The following KAT2B variants were observed in gnomAD, a reference collection of about 807,000 sequenced individuals.
The protein encoded by KAT2B is lysine acetyltransferase 2B.
A neutral mutation model predicts 105.9 loss-of-function variants in KAT2B; 36 were observed. The observed-to-expected ratio is 0.34, with a 90% CI of 0.26 to 0.45. KAT2B has a LOEUF of 0.45. Ranked by LOEUF, KAT2B falls within the 20% of genes least tolerant of loss-of-function variation. The pLI is 1.00. For missense variants in KAT2B, 820 were observed against 1,021.6 expected (o/e 0.80, Z 2.69); for synonymous variants, 397 against 377.9 (o/e 1.05, Z -0.59).
At chr3:20,102,315 T>A (rs551881121) in intron 5 of KAT2B, among the ~76,000 whole-genome samples, 27 of 151,710 alleles carry the variant, frequency 1.8e-4, no homozygotes, top group African/African-American at 3.6e-4. Context: ...AAAAAAAAAA[T>A]TTTTTTTAAA....
At position 20,126,050 on chromosome 3, in the gene KAT2B, A is replaced by G. The variant is rs1398678295; in HGVS notation, c.1559A>G (p.Asn520Ser). The change falls in exon 10 of 18, where the codon AAC becomes AGC. Residue 520 changes from asparagine (N) to serine (S), a missense_variant. Coordinates refer to ENST00000263754, the MANE Select transcript of KAT2B (RefSeq NM_003884.5). ...CTGATGTGGCTGGTTGGCCTACAGAACGTTTTCTCCCACCAGCTGCCCCGA... is the reference window on the plus strand; with the variant it reads ...CTGATGTGGCTGGTTGGCCTACAGAGCGTTTTCTCCCACCAGCTGCCCCGA... ...KILMWLVGLQ[N>S]VFSHQLPRMP... 6.2e-7 allele frequency: 1 copy of G among 1,614,034 alleles called. No homozygotes were observed. The highest frequency in any genetic ancestry group is 8.5e-7 in the Non-Finnish European group (1 of 1,179,958).
intron 1 of KAT2B, among the ~76,000 whole-genome samples, chr3:20,058,680 G>A (rs978830717): frequency 6.6e-6 from 1 of 152,024 alleles, no homozygotes; most frequent in Non-Finnish European, 1.5e-5. Context: ...TAGCATTATG[G>A]TATCTTCTGC....
intron 5 of KAT2B, among the ~76,000 whole-genome samples, chr3:20,106,897 T>A (rs976671708): frequency 1.4e-5 from 2 of 140,086 alleles, no homozygotes; most frequent in Non-Finnish European, 3.0e-5. Flanking sequence ...GATATATAAT[T>A]AAAAATTTTC....
intron 5 of KAT2B, 36 bp from the exon 6 acceptor site, chr3:20,111,560 T>A (rs904063338): frequency 6.5e-7 from 1 of 1,535,012 alleles, no homozygotes; most frequent in African/African-American, 1.4e-5. Context: ...TGGGGGTTTA[T>A]GGGATATTGA....
At chr3:20,100,093 G>A (rs1033693406) in intron 4 of KAT2B, 139 bp downstream of exon 4, 1 of 587,534 alleles carries the variant, frequency 1.7e-6, no homozygotes, top group Non-Finnish European at 3.1e-6. Context: ...AAATTGTCCT[G>A]GAGGCTTTGG....
intron 12 of KAT2B, 48 bp downstream of exon 12, chr3:20,137,100 A>G (rs747845933): frequency 4.3e-6 from 4 of 934,042 alleles, no homozygotes; most frequent in East Asian, 4.8e-5. Flanking sequence ...TTTTCTTAAT[A>G]TGTTCTCAGG....
rs533177720 is a variant in KAT2B, at chr3:20,133,163, A to T, written c.1750-3779A>T. On this transcript the variant is annotated intron_variant, in intron 11 of 17. Transcript: ENST00000263754. ...CAGCTTGGTACGCATCCTTCCAGGT[A>T]CTTTGGTATTGACACATATATTGGA... Among the ~76,000 whole-genome samples, 8 of 152,306 alleles carry T rather than the reference A, an allele frequency of 5.3e-5. No individual in the cohort carries two copies. The South Asian group carries it at 1.7e-3, about 32-fold the overall frequency.
At chr3:20,101,138 ATTTTC>A in intron 4 of KAT2B, 144 bp from the exon 5 acceptor site, 2 of 632,726 alleles carry the variant, frequency 3.2e-6, no homozygotes, top group Non-Finnish European at 5.4e-6. Flanking sequence ...GGGGATTGCT[ATTTTC>A]TTTTAGGGAA....
At chr3:20,146,537 C>CGAGA in intron 14 of KAT2B, 107 bp downstream of exon 14, 1 of 658,238 alleles carries the variant, frequency 1.5e-6, no homozygotes, top group South Asian at 1.7e-5. Context: ...TTGCCCTGCC[C>CGAGA]GTCTCTGTGT....
chr3:20,076,566 A>AC (rs2125183984), intron 2 of KAT2B, among the ~76,000 whole-genome samples: 1 of 152,266 alleles, frequency 6.6e-6, no homozygotes, highest in South Asian at 2.1e-4. Flanking sequence ...AAAGTTTCAA[A>AC]CACCCGTAAA....
At chr3:20,092,422 G>T (rs1281930457) in intron 2 of KAT2B, among the ~76,000 whole-genome samples, 1 of 151,572 alleles carries the variant, frequency 6.6e-6, no homozygotes, top group Non-Finnish European at 1.5e-5. Context: ...TAGAGACGAG[G>T]TTTCACCATG....
Position 20,053,582 on chromosome 3 carries a change from T to C in KAT2B, c.303+12802T>C, listed in dbSNP as rs972822360. Among the ~76,000 whole-genome samples the C allele has an allele frequency of 2.6e-5, 4 of 152,138 alleles. No individual in the cohort carries two copies. The East Asian group carries it at 7.7e-4, about 29-fold the overall frequency. ...AACTCAGGAAGGTATATGAGTGTTA[T>C]GAGATCAGTGAGTTAAAAGCTACAA... On this transcript the variant is annotated intron_variant, in intron 1 of 17. Transcript: ENST00000263754.
At chr3:20,048,793 A>G (rs1697860561) in intron 1 of KAT2B, among the ~76,000 whole-genome samples, 1 of 152,172 alleles carries the variant, frequency 6.6e-6, no homozygotes, top group African/African-American at 2.4e-5. Context: ...GAACAGGCAC[A>G]TTGGCTACTC....
rs761080858 is a variant in KAT2B at position 20,062,422 on chromosome 3, T to TATATATA, written c.304-9896_304-9890dup. On this transcript the variant is annotated intron_variant, in intron 1 of 17. Transcript: ENST00000263754. ...TTATATATTATATATTATATATTAT[T>TATATATA]ATATATAATATATAATATATAGAAA... Among the ~76,000 whole-genome samples the TATATATA allele has an allele frequency of 4.4e-5, 5 of 113,910 alleles. No individual in the cohort carries two copies. In the South Asian group the frequency reaches 9.8e-4, roughly 22 times the overall value. 74.7% of individuals were successfully genotyped at this position (113,910 alleles called of 152,430 possible). A position where few individuals can be genotyped will look rare whatever the true frequency, so the allele number is the denominator to read the frequency against.
intron 13 of KAT2B, among the ~76,000 whole-genome samples, chr3:20,142,855 A>T (rs1056807177): frequency 6.6e-6 from 1 of 152,070 alleles, no homozygotes; most frequent in Non-Finnish European, 1.5e-5. Context: ...CGAATAGGCT[A>T]TGAGCAAGCA....
At chr3:20,111,918 C>A in intron 6 of KAT2B, 131 bp downstream of exon 6, 1 of 697,688 alleles carries the variant, frequency 1.4e-6, no homozygotes, top group Non-Finnish European at 2.3e-6. Flanking sequence ...GGAGAAAAGA[C>A]CCTCAGTTCC....
intron 17 of KAT2B, among the ~76,000 whole-genome samples, chr3:20,150,930 T>A (rs1216927022): frequency 1.3e-5 from 2 of 152,200 alleles, no homozygotes; most frequent in Admixed American, 6.5e-5. Context: ...CATATTATAT[T>A]GGGCAGCATA....
chr3:20,065,117 C>A (rs1371615547), intron 1 of KAT2B, among the ~76,000 whole-genome samples: 4 of 152,110 alleles, frequency 2.6e-5, no homozygotes, highest in South Asian at 4.1e-4. Flanking sequence ...GACCTCTAAC[C>A]CTGGATCCTG....
At position 20,040,543 on chromosome 3, in the gene KAT2B, C is replaced by G. The variant is rs1433530038; in HGVS notation, c.66C>G (p.Pro22=). The part of the protein sequence containing the change: ...CGAGAGAGAG[P]GALPPQPAAL... Reference sequence around the variant, plus strand: ...CAGGAGCCGGGGCAGGGGCCGGGCCCGGGGCGCTGCCCCCGCAGCCTGCGG... The same window carrying G: ...CAGGAGCCGGGGCAGGGGCCGGGCCGGGGGCGCTGCCCCCGCAGCCTGCGG... The change falls in exon 1 of 18, where the codon CCC becomes CCG. Residue 22 remains proline (P), a synonymous_variant. Coordinates refer to ENST00000263754, the MANE Select transcript of KAT2B (RefSeq NM_003884.5). 1 of 1,027,202 alleles carries G rather than the reference C, an allele frequency of 9.7e-7. No homozygotes were observed. Among genetic ancestry groups the G allele is most frequent in the Non-Finnish European group, 1.2e-6 (1 of 858,934 alleles). The allele number at this position is 1,027,202 out of a possible 1,614,324, so 63.6% of individuals were successfully genotyped here. A position where few individuals can be genotyped will look rare whatever the true frequency, so the allele number is the denominator to read the frequency against.
Sources: allele counts gnomAD v4.1 joint callset (sites outside exome capture counted in the v4.1 genomes callset), GRCh38; gene constraint gnomAD v4.1.1; transcripts MANE v1.5; gene names NCBI Gene and HGNC (gene_info 2026-07-23, HGNC 2026-07-21).